Variants in MROH1 observed in about 807,000 individuals in gnomAD.
MROH1 encodes maestro heat like repeat family member 1.
A neutral mutation model predicts 116.5 loss-of-function variants in MROH1; 117 were observed. The observed-to-expected ratio is 1.00, with a 90% CI of 0.86 to 1.17. MROH1 has a LOEUF of 1.17. MROH1 is among the 50% of genes most tolerant of loss of function. The pLI, the probability that MROH1 is intolerant of heterozygous loss-of-function variation, is 0.00. For missense variants in MROH1, 1,873 were observed against 1,338.5 expected, an observed-to-expected ratio of 1.40 and a Z score of -6.23; for synonymous variants, 921 against 583.9, an observed-to-expected ratio of 1.58 and a Z score of -8.32.
rs1446251371 is a variant in MROH1, at chr8:144,260,358, G to A, written c.4364G>A (p.Arg1455Gln). 13 of 724,536 alleles carry A rather than the reference G, an allele frequency of 1.8e-5. No homozygotes were observed. Among genetic ancestry groups the A allele is most frequent in the South Asian group, 5.8e-5 (4 of 69,136 alleles). The allele number at this position is 724,536 out of a possible 1,614,324, so 44.9% of individuals were successfully genotyped here. ...CTGCTGCACGTGGCCATCCGCATCC[G>A]GCCTTTCTTCGACAGTGTAGGCTGG... Reference protein sequence around the residue: ...SGLLHVAIRIRPFFDSEKMEF... With the variant: ...SGLLHVAIRIQPFFDSEKMEF... The change falls in exon 39 of 44, where the codon CGG becomes CAG. Residue 1455 changes from arginine (R) to glutamine (Q), a missense_variant. Physicochemically the swap from Arg to Gln is conservative, Grantham distance 43. Coordinates refer to ENST00000326134, the MANE Select transcript of MROH1 (RefSeq NM_032450.3).
chr8:144,179,363 T>C (rs1824938075), intron 4 of MROH1, 92 bp from the exon 5 acceptor site: 2 of 1,538,318 alleles, frequency 1.3e-6, no homozygotes, highest in Admixed American at 1.8e-5. Flanking sequence ...GAGAGATTTG[T>C]GCGGTTTCAT....
In MROH1 at chr8:144,156,014, G is replaced by A. The variant is rs994517766; in HGVS notation, c.-176-4956G>A. Among the ~76,000 whole-genome samples, 22 of 151,944 alleles carry A rather than the reference G, an allele frequency of 1.4e-4. No individual in the cohort carries two copies. The East Asian group carries it at 2.8e-3, about 19-fold the overall frequency. ...AACATGTTGGGAGGCCGAGGCGGGTGGATCACCTGAGGTTGGGAGTTCGCA... is the reference window on the plus strand; with the variant it reads ...AACATGTTGGGAGGCCGAGGCGGGTAGATCACCTGAGGTTGGGAGTTCGCA... On this transcript the variant is annotated intron_variant, in intron 1 of 43. Coordinates refer to ENST00000326134, the MANE Select transcript of MROH1 (RefSeq NM_032450.3).
chr8:144,247,455 T>C lies in MROH1; in HGVS notation c.3007+19T>C. On this transcript the variant is annotated intron_variant, in intron 30 of 43. Coordinates refer to ENST00000326134, the MANE Select transcript of MROH1 (RefSeq NM_032450.3). ...TATGAGGGTGAGCCCTCGTCAGGAG[T>C]GTGGGGGCCAGTGGTCGTGCAGGGG... 1 of 768,728 alleles carries C rather than the reference T, an allele frequency of 1.3e-6. No individual in the cohort carries two copies. Among genetic ancestry groups the C allele is most frequent in the South Asian group, 1.4e-5 (1 of 72,322 alleles). The allele number at this position is 768,728 out of a possible 1,614,324, so 47.6% of individuals were successfully genotyped here.
intron 14 of MROH1, among the ~76,000 whole-genome samples, chr8:144,226,403 G>A (rs916198922): frequency 7.2e-5 from 11 of 152,198 alleles, no homozygotes; most frequent in African/African-American, 1.4e-4. Flanking sequence ...ACTCATCTGC[G>A]GCATCTGTCA....
chr8:144,195,152 G>A (rs1464964120), intron 10 of MROH1, among the ~76,000 whole-genome samples: 2 of 136,604 alleles, frequency 1.5e-5, no homozygotes, highest in Non-Finnish European at 3.0e-5. Flanking sequence ...CTGTGATCAC[G>A]CCAGTGCATT....
intron 4 of MROH1, among the ~76,000 whole-genome samples, chr8:144,174,194 T>C (rs990969451): frequency 2.0e-5 from 3 of 151,934 alleles, no homozygotes; most frequent in Admixed American, 6.6e-5. Context: ...GTAAAATAGG[T>C]GAAGGGTGGG....
intron 13 of MROH1, among the ~76,000 whole-genome samples, chr8:144,222,848 AGGTACAGGTGTG>A (rs1474886942): frequency 6.6e-6 from 1 of 151,978 alleles, no homozygotes; most frequent in Non-Finnish European, 1.5e-5. Context: ...GGATACAGGT[AGGTACAGGTGTG>A]GGTACAGGTG....
Position 144,247,660 on chromosome 8 carries a change from C to A in MROH1, c.3101C>A (p.Thr1034Asn), listed in dbSNP as rs1842128206. 7 of 768,654 alleles carry A rather than the reference C, an allele frequency of 9.1e-6. No individual in the cohort carries two copies. The Admixed American group carries it at 1.0e-4, about 11-fold the overall frequency. The allele number at this position is 768,654 out of a possible 1,614,324, so 47.6% of individuals were successfully genotyped here. ...VHPDPAILFH[T>N]CHSVGQIIAK... is the part of the protein sequence containing the mutation. ...CCTGACCCCGCCATTCTCTTCCACA[C>A]CTGCCACAGTGTAGGCCAGGTACCA... Residue 1034 changes from threonine to asparagine, a missense_variant, in exon 31 of 44, where the codon ACC becomes AAC. Thr to Asn is a moderately conservative substitution (Grantham distance 65). Coordinates refer to ENST00000326134, the MANE Select transcript of MROH1 (RefSeq NM_032450.3).
Position 144,192,404 on chromosome 8 carries a change from A to G in MROH1, c.948+3A>G, listed in dbSNP as rs1188272983. On this transcript the variant is annotated splice_donor_region_variant and intron_variant, in intron 10 of 43. Transcript: ENST00000326134. ...TCTTGGCTGCACTGCACTCCCAGGTAGGAGGCGGGCGTCAGGGGGCGGGTC... is the reference window on the plus strand; with the variant it reads ...TCTTGGCTGCACTGCACTCCCAGGTGGGAGGCGGGCGTCAGGGGGCGGGTC... The G allele has an allele frequency of 1.3e-6, 2 of 1,583,514 alleles. No homozygotes were observed. The highest frequency in any genetic ancestry group is 1.7e-6 in the Non-Finnish European group (2 of 1,169,590).
chr8:144,168,154 G>C (rs1821417545), intron 3 of MROH1, 141 bp from the exon 4 acceptor site: 2 of 1,003,588 alleles, frequency 2.0e-6, no homozygotes, highest in Non-Finnish European at 2.8e-6. Flanking sequence ...TTATACAAGA[G>C]AGAAAGCAGC....
At chr8:144,256,462 G>C (rs1429693948) in intron 35 of MROH1, among the ~76,000 whole-genome samples, 1 of 151,462 alleles carries the variant, frequency 6.6e-6, no homozygotes, top group Admixed American at 6.6e-5. Flanking sequence ...CCCTCCCCCT[G>C]CCCCAGCACC....
At chr8:144,151,331 T>C (rs1038552080) in intron 1 of MROH1, among the ~76,000 whole-genome samples, 35 of 147,810 alleles carry the variant, frequency 2.4e-4, no homozygotes, top group Admixed American at 1.5e-3. Flanking sequence ...GAGGAGCAGA[T>C]TGGCGGAAGA....
intron 4 of MROH1, among the ~76,000 whole-genome samples, chr8:144,174,548 A>G (rs887150218): frequency 6.7e-6 from 1 of 148,736 alleles, no homozygotes; most frequent in South Asian, 2.1e-4. Context: ...CAGCGGTGCA[A>G]TTTTGGCTTA....
intron 1 of MROH1, among the ~76,000 whole-genome samples, chr8:144,159,860 C>T (rs1281908667): frequency 4.6e-5 from 7 of 151,610 alleles, no homozygotes; most frequent in South Asian, 2.1e-4. Context: ...CTCCGCCTCC[C>T]GGGTTCACGC....
intron 1 of MROH1, among the ~76,000 whole-genome samples, chr8:144,150,421 G>A (rs1444085619): frequency 1.3e-5 from 2 of 152,132 alleles, no homozygotes; most frequent in African/African-American, 2.4e-5. Flanking sequence ...ATATACATGT[G>A]TGTGTACTAG....
intron 14 of MROH1, among the ~76,000 whole-genome samples, chr8:144,234,691 T>TG (rs1839726170): frequency 6.7e-6 from 1 of 149,206 alleles, no homozygotes; most frequent in African/African-American, 2.5e-5. Flanking sequence ...TAATTTTTTT[T>TG]TTTTTTGGTA....
chr8:144,168,983 T>C (rs2131020368), intron 4 of MROH1, among the ~76,000 whole-genome samples: 1 of 152,134 alleles, frequency 6.6e-6, no homozygotes, highest in Non-Finnish European at 1.5e-5. Context: ...GAACTCTCTC[T>C]TCAGCCTCAC....
intron 33 of MROH1, chr8:144,250,839 C>T: frequency 3.3e-6 from 1 of 306,918 alleles, no homozygotes. Context: ...CTTGTCTGTA[C>T]CATACATCAC....
Position 144,148,040 on chromosome 8 carries a change from A to T in MROH1, c.-213A>T, listed in dbSNP as rs1815832282. 1 of 152,104 alleles carries T rather than the reference A, an allele frequency of 6.6e-6. No individual in the cohort carries two copies. The highest frequency in any genetic ancestry group is 1.5e-5 in the Non-Finnish European group (1 of 68,054). The allele number at this position is 152,104 out of a possible 1,614,324, so 9.4% of individuals were successfully genotyped here. ...CACTCCGGGCCCCTGCTGGGCGGGA[A>T]GGCGGCGCCCCGGCCGAGGTGGCGG... On this transcript the variant is annotated 5_prime_UTR_variant, in exon 1 of 44. In the 5' UTR this introduces an upstream ATG that the reference lacks. Transcript: ENST00000326134.
Sources: gnomAD v4.1 joint callset for allele counts (sites outside exome capture counted in the v4.1 genomes callset) on GRCh38, gnomAD v4.1.1 for gene constraint, MANE v1.5 for transcripts, NCBI Gene and HGNC (gene_info 2026-07-23, HGNC 2026-07-21) for gene names.